The following TBC1D5 variants were observed in gnomAD, a reference collection of about 807,000 sequenced individuals.
The protein encoded by TBC1D5 is TBC1 domain family member 5.
TBC1D5 carries 75 observed loss-of-function variants against 100.3 expected under a neutral mutation model. The ratio of observed to expected loss-of-function variants is 0.75; its 90% confidence interval spans 0.62 to 0.91. The LOEUF (loss-of-function observed/expected upper bound fraction) is 0.91. Ranked by LOEUF, TBC1D5 falls within the 40% of genes least tolerant of loss-of-function variation. The pLI is 0.00. For synonymous variants in TBC1D5, 323 were observed against 325.6 expected (o/e 0.99, Z 0.09); for missense variants, 910 against 942.4 (o/e 0.97, Z 0.45).
intron 1 of TBC1D5, among the ~76,000 whole-genome samples, chr3:17,679,095 A>G (rs1253606013): frequency 6.7e-6 from 1 of 150,150 alleles, no homozygotes; most frequent in Non-Finnish European, 1.5e-5. Context: ...AAAAAAAACA[A>G]TGAGTTGGGA....
exon 22 of TBC1D5, chr3:17,160,397 C>G (rs1271978514): frequency 2.6e-5 from 4 of 151,986 alleles, no homozygotes; most frequent in Non-Finnish European, 5.9e-5. Context: ...TTTCCCCCAG[C>G]CCTGGAATCC....
intron 15 of TBC1D5, among the ~76,000 whole-genome samples, chr3:17,285,198 T>C (rs1353292271): frequency 1.3e-5 from 2 of 149,874 alleles, no homozygotes; most frequent in Non-Finnish European, 3.0e-5. Flanking sequence ...AGTAAATAAA[T>C]GGATATAGTG....
chr3:17,497,238 C>T (rs2095723271), intron 3 of TBC1D5, among the ~76,000 whole-genome samples: 2 of 152,096 alleles, frequency 1.3e-5, no homozygotes, highest in African/African-American at 2.4e-5. Flanking sequence ...ATCTAAAGTA[C>T]TCACCTTGTC....
intron 13 of TBC1D5, among the ~76,000 whole-genome samples, chr3:17,316,587 G>A (rs1329667711): frequency 1.3e-5 from 2 of 152,174 alleles, no homozygotes; most frequent in Admixed American, 1.3e-4. Context: ...AAAGGAATTC[G>A]CAGCTTCCTT....
intron 3 of TBC1D5, among the ~76,000 whole-genome samples, chr3:17,488,547 C>T (rs527714878): frequency 6.6e-6 from 1 of 152,274 alleles, no homozygotes; most frequent in South Asian, 2.1e-4. Flanking sequence ...TTGTAAGAAA[C>T]TGTTAAAAGG....
intron 13 of TBC1D5, among the ~76,000 whole-genome samples, chr3:17,346,751 A>C (rs1185499602): frequency 6.6e-6 from 1 of 152,168 alleles, no homozygotes; most frequent in Non-Finnish European, 1.5e-5. Context: ...TAATTTCAGC[A>C]TATGGAGTGG....
intron 13 of TBC1D5, among the ~76,000 whole-genome samples, chr3:17,315,382 C>A (rs891324009): frequency 6.6e-6 from 1 of 152,104 alleles, no homozygotes; most frequent in African/African-American, 2.4e-5. Flanking sequence ...ACTGCCAGGC[C>A]CAAAAGGGCA....
At chr3:17,224,120 T>C (rs889455009) in intron 17 of TBC1D5, among the ~76,000 whole-genome samples, 1 of 152,194 alleles carries the variant, frequency 6.6e-6, no homozygotes, top group African/African-American at 2.4e-5. Flanking sequence ...AAATATCTGA[T>C]GGTCAGGCTT....
At chr3:17,293,609 A>C (rs1027391512) in intron 14 of TBC1D5, among the ~76,000 whole-genome samples, 2 of 152,206 alleles carry the variant, frequency 1.3e-5, no homozygotes, top group African/African-American at 4.8e-5. Flanking sequence ...CACTGGGAAA[A>C]CAACTTTTTG....
intron 13 of TBC1D5, among the ~76,000 whole-genome samples, chr3:17,358,497 A>G (rs975147408): frequency 6.6e-5 from 10 of 151,982 alleles, no homozygotes; most frequent in African/African-American, 2.4e-4. Context: ...ACTGTCCTTA[A>G]TAGCACTATT....
chr3:17,454,924 C>G (rs1007289050), intron 3 of TBC1D5, among the ~76,000 whole-genome samples: 1 of 151,802 alleles, frequency 6.6e-6, no homozygotes, highest in African/African-American at 2.4e-5. Flanking sequence ...ATGAAACAAA[C>G]TGAAGAGGAC....
At chr3:17,577,114 A>G (rs1296790752) in intron 2 of TBC1D5, among the ~76,000 whole-genome samples, 1 of 152,084 alleles carries the variant, frequency 6.6e-6, no homozygotes, top group South Asian at 2.1e-4. Context: ...ACCCATTGAA[A>G]GTGGGGGTGG....
At chr3:17,433,816 T>C (rs1258348087) in intron 3 of TBC1D5, among the ~76,000 whole-genome samples, 1 of 152,150 alleles carries the variant, frequency 6.6e-6, no homozygotes, top group Non-Finnish European at 1.5e-5. Context: ...CAAAAGCAAG[T>C]TAGCTACTTC....
At chr3:17,292,331 GT>G in intron 14 of TBC1D5, among the ~76,000 whole-genome samples, 1 of 152,242 alleles carries the variant, frequency 6.6e-6, no homozygotes, top group African/African-American at 2.4e-5. Context: ...AATGTCTCCT[GT>G]TTTTCTACTT....
At chr3:17,613,688 T>G (rs879651895) in intron 2 of TBC1D5, among the ~76,000 whole-genome samples, 1 of 152,250 alleles carries the variant, frequency 6.6e-6, no homozygotes, top group African/African-American at 2.4e-5. Flanking sequence ...TGTCTTCTTT[T>G]GAGAAGAGCC....
chr3:17,694,144 A>C (rs2071622196), intron 1 of TBC1D5, among the ~76,000 whole-genome samples: 1 of 152,280 alleles, frequency 6.6e-6, no homozygotes, highest in South Asian at 2.1e-4. Context: ...GGGAGAAACC[A>C]GAGCAGAAAA....
chr3:17,583,119 T>C (rs957177708), intron 2 of TBC1D5, among the ~76,000 whole-genome samples: 3 of 151,852 alleles, frequency 2.0e-5, no homozygotes, highest in Non-Finnish European at 4.4e-5. Context: ...ACCCTGTCTC[T>C]ACAAAAAATA....
chr3:17,191,904 A>C (rs1042981719), intron 18 of TBC1D5, among the ~76,000 whole-genome samples: 4 of 152,102 alleles, frequency 2.6e-5, no homozygotes, highest in African/African-American at 9.7e-5. Context: ...GATTATAGGC[A>C]TGAGTCATCG....
chr3:17,455,420 ATATATGTG>A (rs1031750480), intron 3 of TBC1D5, among the ~76,000 whole-genome samples: 6 of 146,404 alleles, frequency 4.1e-5, no homozygotes, highest in Non-Finnish European at 7.4e-5. Flanking sequence ...GTATATATGT[ATATATGTG>A]TGTATGTGTG....
Sources: allele counts gnomAD v4.1 joint callset (sites outside exome capture counted in the v4.1 genomes callset), GRCh38; gene constraint gnomAD v4.1.1; transcripts MANE v1.5; gene names NCBI Gene and HGNC (gene_info 2026-07-23, HGNC 2026-07-21).